PDZD8: variants seen among roughly 807,000 people sequenced by gnomAD.
The protein encoded by PDZD8 is PDZ domain containing 8.
PDZD8 carries 14 observed loss-of-function variants against 85.8 expected under a neutral mutation model. That is an observed-to-expected ratio of 0.16 (90% CI 0.11 to 0.26). The LOEUF is 0.26. Ranked by LOEUF, PDZD8 falls within the 10% of genes least tolerant of loss-of-function variation. PDZD8 has a pLI of 1.00. For synonymous variants in PDZD8, 592 were observed against 568.6 expected, an observed-to-expected ratio of 1.04 and a Z score of -0.59; for missense variants, 1,197 against 1,424.3, an observed-to-expected ratio of 0.84 and a Z score of 2.57.
Position 117,277,456 on chromosome 10 carries a change from G to T in PDZD8, c.*5812C>A, listed in dbSNP as rs1198920008. ...TTATAAAGAAAAAGAAGCTTTTCTA[G>T]GGGTTTGTATAAATAGTGTTGAAAC... On this transcript the variant is annotated 3_prime_UTR_variant, in exon 5 of 5. Transcript: ENST00000334464. 5 of 393,170 alleles carry T rather than the reference G, an allele frequency of 1.3e-5. No homozygotes were observed. The highest frequency in any genetic ancestry group is 2.3e-5 in the Non-Finnish European group (5 of 221,104). 24.4% of individuals were successfully genotyped at this position (393,170 alleles called of 1,614,324 possible).
chr10:117,350,097 A>G (rs184465216), intron 1 of PDZD8, among the ~76,000 whole-genome samples: 4 of 152,240 alleles, frequency 2.6e-5, no homozygotes, highest in Non-Finnish European at 5.9e-5. Context: ...TTAATTCCCA[A>G]AACAATTCTT....
At chr10:117,348,102 T>C (rs1362642844) in intron 1 of PDZD8, among the ~76,000 whole-genome samples, 4 of 152,216 alleles carry the variant, frequency 2.6e-5, no homozygotes, top group Non-Finnish European at 5.9e-5. Context: ...CTGTATAGCA[T>C]ATGAATTATA....
At chr10:117,360,621 C>T (rs1844981120) in intron 1 of PDZD8, among the ~76,000 whole-genome samples, 2 of 151,992 alleles carry the variant, frequency 1.3e-5, no homozygotes, top group South Asian at 4.1e-4. Flanking sequence ...AGCAGCTTGT[C>T]TGTGATCACA....
chr10:117,327,299 G>A (rs569878756), intron 2 of PDZD8, among the ~76,000 whole-genome samples: 9 of 152,304 alleles, frequency 5.9e-5, no homozygotes, highest in African/African-American at 2.2e-4. Flanking sequence ...GGGGGGAATT[G>A]TTAAACAAAA....
rs1753397288 is a variant in PDZD8, at chr10:117,374,949, C to T, written c.279G>A (p.Glu93=). 1 of 1,611,888 alleles carries T rather than the reference C, an allele frequency of 6.2e-7. No individual in the cohort carries two copies. Among genetic ancestry groups the T allele is most frequent in the Non-Finnish European group, 8.5e-7 (1 of 1,179,420 alleles). Reference sequence around the variant, plus strand: ...TGGTGGCGTTGAGGAAGTAGCAAGTCTCCCGCGTCGGCGGGGCGGGGGTCT... The same window carrying T: ...TGGTGGCGTTGAGGAAGTAGCAAGTTTCCCGCGTCGGCGGGGCGGGGGTCT... ...APETPAPPTR[E]TCYFLNATIL... Residue 93 remains glutamate (E), a synonymous_variant, in exon 1 of 5, where the codon GAG becomes GAA. Coordinates refer to ENST00000334464, the MANE Select transcript of PDZD8 (RefSeq NM_173791.5). This position sits in a 1 kb window ranked among gnomAD's most constrained non-coding sequence, Gnocchi z 7.8.
At chr10:117,289,136 C>A (rs2133763039) in intron 4 of PDZD8, among the ~76,000 whole-genome samples, 1 of 152,288 alleles carries the variant, frequency 6.6e-6, no homozygotes, top group Non-Finnish European at 1.5e-5. Flanking sequence ...TCAGAATGCA[C>A]ATTTTAACAT....
rs1844626855 is a variant in PDZD8 at position 117,284,595 on chromosome 10, A to G, written c.2138T>C (p.Ile713Thr). ...GAAAGGATCCCTGCACCACAATGCA[A>G]TGTTTAAGTACCTGTGACAGGCTTC... ...DIEACHRYLN[I>T]ALWCRDPFKL... The change falls in exon 5 of 5, where the codon ATT becomes ACT. Residue 713 changes from isoleucine (I) to threonine (T), a missense_variant. Ile to Thr is a moderately conservative substitution (Grantham distance 89, BLOSUM62 -1). Transcript: ENST00000334464. The G allele has an allele frequency of 3.7e-6, 6 of 1,614,082 alleles. No homozygotes were observed. Among genetic ancestry groups the G allele is most frequent in the Non-Finnish European group, 5.1e-6 (6 of 1,180,040 alleles).
intron 1 of PDZD8, among the ~76,000 whole-genome samples, chr10:117,359,722 C>T (rs1844963826): frequency 6.6e-6 from 1 of 151,982 alleles, no homozygotes; most frequent in Non-Finnish European, 1.5e-5. Context: ...AAAACAAAAA[C>T]AACAAACAAA....
chr10:117,284,430 C>T lies in PDZD8; in HGVS notation c.2303G>A (p.Arg768Lys). 6.2e-7 allele frequency: 1 copy of T among 1,614,142 alleles called. No homozygotes were observed. The highest frequency in any genetic ancestry group is 8.5e-7 in the Non-Finnish European group (1 of 1,180,022). ...CATACTCAGATTGCGTAGTGCGGTT[C>T]TAGTGACTATAGCCTTAGGTGAGGG... ...EAPSPKAIVT[R>K]TALRNLSMQK... The change falls in exon 5 of 5, where the codon AGA (arginine) becomes AAA (lysine). Residue 768 changes from arginine to lysine, a missense_variant. By Grantham distance (26) the Arg-to-Lys change is conservative. Transcript: ENST00000334464.
intron 2 of PDZD8, among the ~76,000 whole-genome samples, chr10:117,339,511 T>C (rs555157445): frequency 3.9e-5 from 6 of 152,334 alleles, no homozygotes; most frequent in South Asian, 4.1e-4. Context: ...CAGCTTATGG[T>C]CTAAATTCAG....
intron 3 of PDZD8, among the ~76,000 whole-genome samples, chr10:117,303,095 C>G (rs1843874897): frequency 6.6e-6 from 1 of 152,140 alleles, no homozygotes; most frequent in Admixed American, 6.5e-5. Flanking sequence ...GAGGTTGGAA[C>G]AGTTTGGAAG....
At chr10:117,336,357 T>C (rs1417108708) in intron 2 of PDZD8, among the ~76,000 whole-genome samples, 5 of 152,234 alleles carry the variant, frequency 3.3e-5, no homozygotes, top group East Asian at 3.8e-4. Flanking sequence ...TGTATAAGTA[T>C]TGATACATGA....
chr10:117,284,905 C>A lies in PDZD8; in HGVS notation c.1828G>T (p.Ala610Ser). 6.2e-7 allele frequency: 1 copy of A among 1,614,124 alleles called. No individual in the cohort carries two copies. Among genetic ancestry groups the A allele is most frequent in the Non-Finnish European group, 8.5e-7 (1 of 1,180,022 alleles). The change falls in exon 5 of 5, where the codon GCA becomes TCA. Residue 610 changes from alanine to serine, a missense_variant. This residue lies in a region of PDZD8 where 263 missense variants were observed against 261.9 expected (regional missense o/e 1.00). Coordinates refer to ENST00000334464, the MANE Select transcript of PDZD8 (RefSeq NM_173791.5). ...TTTTCAACGAGAACATCTGGTTCTG[C>A]CTGATTTGGAGCATCGGCGGAAGGC... ...PLPSADAPNQ[A>S]EPDVLVEKPE... is the part of the protein sequence containing the mutation.
At position 117,283,657 on chromosome 10, in the gene PDZD8, C is replaced by T. The variant is rs772085438; in HGVS notation, c.3076G>A (p.Gly1026Ser). The T allele has an allele frequency of 6.2e-7, 1 of 1,614,178 alleles. No individual in the cohort carries two copies. The highest frequency in any genetic ancestry group is 1.1e-5 in the South Asian group (1 of 91,090). The change falls in exon 5 of 5, where the codon GGC becomes AGC. Residue 1026 changes from glycine (G) to serine (S), a missense_variant. Physicochemically the swap from Gly to Ser is moderately conservative, Grantham distance 56. This residue lies in a region of PDZD8 where 418 missense variants were observed against 571.1 expected (regional missense o/e 0.73). Coordinates refer to ENST00000334464, the MANE Select transcript of PDZD8 (RefSeq NM_173791.5). ...VKEIGRDLYRGLPTEERIQKL... is the reference protein window; with the variant it reads ...VKEIGRDLYRSLPTEERIQKL... The stretch of plus-strand genomic sequence containing the variant: ...TGGATCCTTTCCTCTGTAGGCAAGC[C>T]CCTGTACAGATCACGACCAATTTCT...
chr10:117,294,142 C>T (rs1843712715), intron 3 of PDZD8, among the ~76,000 whole-genome samples: 1 of 151,294 alleles, frequency 6.6e-6, no homozygotes, highest in African/African-American at 2.4e-5. Context: ...AAATTAAACC[C>T]CAAAGTAGAA....
chr10:117,359,566 C>T (rs918556533), intron 1 of PDZD8, among the ~76,000 whole-genome samples: 4 of 152,080 alleles, frequency 2.6e-5, no homozygotes, highest in Admixed American at 2.6e-4. Context: ...AAAACATCAG[C>T]TGGGCATGGT....
chr10:117,298,562 C>T (rs1382570468), intron 3 of PDZD8, among the ~76,000 whole-genome samples: 3 of 152,064 alleles, frequency 2.0e-5, no homozygotes, highest in Admixed American at 2.0e-4. Context: ...ATCATCAATA[C>T]AGTTATACCC....
intron 1 of PDZD8, among the ~76,000 whole-genome samples, chr10:117,355,215 C>T (rs1490549344): frequency 1.3e-5 from 2 of 152,184 alleles, no homozygotes; most frequent in Non-Finnish European, 2.9e-5. Context: ...CTGCTAAACA[C>T]TCTGATGCCA....
chr10:117,365,133 AT>A (rs1357760362), intron 1 of PDZD8, among the ~76,000 whole-genome samples: 1 of 150,160 alleles, frequency 6.7e-6, no homozygotes, highest in South Asian at 2.1e-4. Context: ...CAAAAAAAAA[AT>A]GGCCAAAAAT....
Sources: allele counts gnomAD v4.1 joint callset (sites outside exome capture counted in the v4.1 genomes callset), GRCh38; gene constraint gnomAD v4.1.1; regional missense constraint gnomAD v4.1.1; non-coding constraint Gnocchi (gnomAD v3.1); transcripts MANE v1.5; gene names NCBI Gene and HGNC (gene_info 2026-07-23, HGNC 2026-07-21).